The following PDE1C variants were observed in gnomAD, a reference collection of about 807,000 sequenced individuals.
PDE1C encodes the protein dual specificity calcium/calmodulin-dependent 3',5'-cyclic nucleotide phosphodiesterase 1C.
A neutral mutation model predicts 93.1 loss-of-function variants in PDE1C; 62 were observed. The ratio of observed to expected loss-of-function variants is 0.67; its 90% CI spans 0.54 to 0.82. The LOEUF (loss-of-function observed/expected upper bound fraction) is 0.82. PDE1C is among the 40% of genes least tolerant of loss of function. The probability of loss-of-function intolerance (pLI) is 0.00; values close to 1 mark genes in which losing one functional copy is unlikely to be tolerated. For synonymous variants in PDE1C, 325 were observed against 310.1 expected (o/e 1.05, Z -0.50); for missense variants, 742 against 884.6 (o/e 0.84, Z 2.04).
intron 2 of PDE1C, among the ~76,000 whole-genome samples, chr7:31,945,440 T>G (rs1447588855): frequency 2.0e-5 from 3 of 152,204 alleles, no homozygotes; most frequent in Non-Finnish European, 4.4e-5. Context: ...CAGTTTTTCT[T>G]TGTCTGAAGA....
At chr7:31,838,586 A>G (rs1791413393) in intron 9 of PDE1C, among the ~76,000 whole-genome samples, 1 of 152,188 alleles carries the variant, frequency 6.6e-6, no homozygotes, top group South Asian at 2.1e-4. Flanking sequence ...CAGTTCTACC[A>G]GTTTTGACAA....
chr7:32,425,469 T>C (rs928921697), intron 1 of PDE1C, among the ~76,000 whole-genome samples: 12 of 152,226 alleles, frequency 7.9e-5, no homozygotes, highest in Admixed American at 7.9e-4. Context: ...TAATTGCATA[T>C]ATTTCTTATG....
At chr7:32,194,918 T>C (rs1804511590) in intron 2 of PDE1C, among the ~76,000 whole-genome samples, 1 of 152,188 alleles carries the variant, frequency 6.6e-6, no homozygotes. Flanking sequence ...CTATTGTGTA[T>C]CTCTTTGCAT....
intron 2 of PDE1C, among the ~76,000 whole-genome samples, chr7:32,193,901 T>C (rs995620606): frequency 1.4e-5 from 2 of 144,928 alleles, no homozygotes; most frequent in Non-Finnish European, 3.0e-5. Flanking sequence ...TGGTTTTTTT[T>C]TTTGGTTTTG....
At chr7:31,978,095 C>T (rs921201767) in intron 2 of PDE1C, among the ~76,000 whole-genome samples, 1 of 152,120 alleles carries the variant, frequency 6.6e-6, no homozygotes, top group South Asian at 2.1e-4. Context: ...TCCAGGCTGT[C>T]CAACTCCAAA....
At chr7:32,233,881 G>A (rs1353644228) in intron 1 of PDE1C, among the ~76,000 whole-genome samples, 4 of 151,910 alleles carry the variant, frequency 2.6e-5, no homozygotes, top group East Asian at 1.9e-4. Context: ...CATTCATCAC[G>A]ATAGACTAAA....
rs140449761 is a variant in PDE1C at position 31,959,361 on chromosome 7, C to T, written c.129-78501G>A. Reference sequence around the variant, plus strand: ...CCAAGTAGCTAGGATTATAAGTGTGCACAACTACGCCCAGCTAATTTTTGT... The same window carrying T: ...CCAAGTAGCTAGGATTATAAGTGTGTACAACTACGCCCAGCTAATTTTTGT... On this transcript the variant is annotated intron_variant, in intron 2 of 17. Transcript: ENST00000396191. Among the ~76,000 whole-genome samples, 178 of 152,134 alleles carry T rather than the reference C, an allele frequency of 1.2e-3. 1 individual carries two copies. In the East Asian group the frequency reaches 0.03, roughly 26 times the overall value.
intron 2 of PDE1C, among the ~76,000 whole-genome samples, chr7:31,903,775 C>T (rs889577156): frequency 6.6e-6 from 1 of 152,088 alleles, no homozygotes; most frequent in Non-Finnish European, 1.5e-5. Flanking sequence ...AATAGGAAGT[C>T]ACTTGGTCAA....
the PDE1C span, among the ~76,000 whole-genome samples, chr7:31,693,275 T>C: frequency 6.6e-6 from 1 of 152,330 alleles, no homozygotes; most frequent in African/African-American, 2.4e-5. Context: ...TGGGGTTGAA[T>C]TGTAGCCCAT....
intron 1 of PDE1C, among the ~76,000 whole-genome samples, chr7:32,053,189 A>G (rs1793615282): frequency 1.3e-5 from 2 of 152,194 alleles, no homozygotes; most frequent in African/African-American, 4.8e-5. Context: ...TTGCATATAA[A>G]GTGGGAAGAA....
chr7:32,290,699 GA>G (rs1276501482), intron 1 of PDE1C, among the ~76,000 whole-genome samples: 1 of 152,124 alleles, frequency 6.6e-6, no homozygotes, highest in Non-Finnish European at 1.5e-5. Context: ...GGCAGCTAGG[GA>G]CTCGCTTTGC....
chr7:31,797,694 T>C (rs1356889457), intron 16 of PDE1C, among the ~76,000 whole-genome samples: 3 of 151,580 alleles, frequency 2.0e-5, no homozygotes, highest in Admixed American at 2.0e-4. Context: ...TTCAGAGGGG[T>C]GTAGAGCTAG....
At chr7:31,776,542 C>A (rs1417421373) in intron 16 of PDE1C, among the ~76,000 whole-genome samples, 1 of 152,126 alleles carries the variant, frequency 6.6e-6, no homozygotes, top group African/African-American at 2.4e-5. Context: ...AAAGGGAGAA[C>A]TGAGAGGTCC....
At chr7:31,832,278 C>T (rs1790515381) in intron 11 of PDE1C, among the ~76,000 whole-genome samples, 3 of 152,060 alleles carry the variant, frequency 2.0e-5, no homozygotes, top group Admixed American at 2.0e-4. Context: ...TACAACAATA[C>T]AAAGAAAATG....
rs115605188 is a variant in PDE1C, at chr7:32,384,514, G to A, written c.310+43308C>T. Among the ~76,000 whole-genome samples, 329 of 152,256 alleles carry A rather than the reference G, an allele frequency of 2.2e-3. 3 individuals are homozygous for A. Among genetic ancestry groups the A allele is most frequent in the African/African-American group, 7.5e-3 (313 of 41,550 alleles). ...ATGTCTCAGAGAAAGAATATGCCAGGCAGAAAGAAAATCATGTGAAAGGCC... is the reference window on the plus strand; with the variant it reads ...ATGTCTCAGAGAAAGAATATGCCAGACAGAAAGAAAATCATGTGAAAGGCC... On this transcript the variant is annotated intron_variant, in intron 1 of 1. Transcript: ENST00000672256.
At chr7:31,819,606 A>G (rs1246037093) in intron 14 of PDE1C, among the ~76,000 whole-genome samples, 2 of 152,078 alleles carry the variant, frequency 1.3e-5, no homozygotes, top group Non-Finnish European at 2.9e-5. Flanking sequence ...AAAACAGCCA[A>G]GAGCAAGCAG....
At chr7:31,654,013 T>G in the PDE1C span, among the ~76,000 whole-genome samples, 1 of 137,922 alleles carries the variant, frequency 7.3e-6, no homozygotes, top group Non-Finnish European at 1.5e-5. Context: ...ATAAGACAGA[T>G]GGACTTTCTA....
intron 1 of PDE1C, among the ~76,000 whole-genome samples, chr7:32,341,914 C>G (rs1192971144): frequency 1.3e-5 from 2 of 152,014 alleles, no homozygotes; most frequent in Admixed American, 6.6e-5. Context: ...CCTCCATTTC[C>G]TTATGTGTAA....
At chr7:31,693,215 T>C in the PDE1C span, among the ~76,000 whole-genome samples, 1 of 152,098 alleles carries the variant, frequency 6.6e-6, no homozygotes, top group South Asian at 2.1e-4. Flanking sequence ...AAAGTGCAAT[T>C]GAAGTAAAAG....
Sources: allele counts gnomAD v4.1 joint callset (sites outside exome capture counted in the v4.1 genomes callset), GRCh38; gene constraint gnomAD v4.1.1; transcripts MANE v1.5; gene names NCBI Gene and HGNC (gene_info 2026-07-23, HGNC 2026-07-21).